The following MAF variants were observed in gnomAD, a reference collection of about 807,000 sequenced individuals.
MAF encodes the protein transcription factor Maf.
Under a neutral mutation model 22.0 loss-of-function variants are expected in MAF, and 10 were observed. The ratio of observed to expected loss-of-function variants is 0.45; its 90% CI spans 0.28 to 0.77. The LOEUF (loss-of-function observed/expected upper bound fraction) is 0.77. Among genes scored for constraint, MAF ranks in the 30% least tolerant of loss-of-function variants. The pLI is 0.12. For missense variants in MAF, 544 were observed against 548.4 expected, an observed-to-expected ratio of 0.99 and a Z score of 0.08; for synonymous variants, 337 against 255.8, an observed-to-expected ratio of 1.32 and a Z score of -3.03.
At chr16:79,587,168 G>A (rs150439520) in intron 1 of MAF, among the ~76,000 whole-genome samples, 1 of 152,242 alleles carries the variant, frequency 6.6e-6, no homozygotes, top group Non-Finnish European at 1.5e-5. Flanking sequence ...ATCTGTCAAA[G>A]TTGCCCTAAA....
the MAF span, among the ~76,000 whole-genome samples, chr16:79,358,909 C>G: frequency 6.6e-6 from 1 of 152,188 alleles, no homozygotes; most frequent in East Asian, 1.9e-4. Context: ...CAGAAGTGGT[C>G]AGTGCTGTGA....
At chr16:79,227,885 T>G in the MAF span, among the ~76,000 whole-genome samples, 2 of 152,122 alleles carry the variant, frequency 1.3e-5, 1 homozygote, top group Non-Finnish European at 2.9e-5. Flanking sequence ...ACTTCTTTCT[T>G]GGAATCTGAG....
At chr16:79,597,393 A>G in intron 1 of MAF, 1 of 1,030,782 alleles carries the variant, frequency 9.7e-7, no homozygotes, top group Non-Finnish European at 1.2e-6. Flanking sequence ...ACCAAAAATA[A>G]TGGGGCAGTT....
chr16:79,486,557 C>T, the MAF span, among the ~76,000 whole-genome samples: 1 of 152,180 alleles, frequency 6.6e-6, no homozygotes, highest in African/African-American at 2.4e-5. Context: ...AAAGATTCTC[C>T]CGCATAAGAA....
At chr16:79,349,090 G>C in the MAF span, among the ~76,000 whole-genome samples, 1 of 152,228 alleles carries the variant, frequency 6.6e-6, no homozygotes, top group African/African-American at 2.4e-5. Context: ...CTATGCAACA[G>C]GTGTTTGCTA....
the MAF span, among the ~76,000 whole-genome samples, chr16:79,293,101 C>T: frequency 1.3e-5 from 2 of 152,156 alleles, no homozygotes; most frequent in Non-Finnish European, 2.9e-5. Context: ...TCTTTTATTC[C>T]TTTACTTGCT....
chr16:79,573,352 A>G, the MAF span, among the ~76,000 whole-genome samples: 1 of 152,236 alleles, frequency 6.6e-6, no homozygotes, highest in Non-Finnish European at 1.5e-5. Context: ...TCCATATCCC[A>G]GATTAAAAAT....
the MAF span, among the ~76,000 whole-genome samples, chr16:79,323,928 A>G: frequency 6.6e-6 from 1 of 152,144 alleles, no homozygotes; most frequent in African/African-American, 2.4e-5. Context: ...AGGTGGGTAG[A>G]TATTTATTGA....
the MAF span, among the ~76,000 whole-genome samples, chr16:79,571,588 A>G: frequency 1.3e-5 from 2 of 150,018 alleles, no homozygotes; most frequent in East Asian, 3.9e-4. Context: ...TTCCCCATAA[A>G]ATGGGAAACT....
chr16:79,571,285 A>G, the MAF span, among the ~76,000 whole-genome samples: 9 of 152,062 alleles, frequency 5.9e-5, no homozygotes, highest in Admixed American at 5.2e-4. Context: ...CTCCACCCTC[A>G]GTGGCTTCCA....
the MAF span, among the ~76,000 whole-genome samples, chr16:79,270,768 T>G: frequency 1.4e-3 from 220 of 152,298 alleles, no homozygotes; most frequent in Non-Finnish European, 2.8e-3. Flanking sequence ...CTGGTGTAAT[T>G]CACTGAGTGC....
the MAF span, among the ~76,000 whole-genome samples, chr16:79,412,903 G>C: frequency 6.6e-6 from 1 of 152,174 alleles, no homozygotes; most frequent in Non-Finnish European, 1.5e-5. Context: ...CAGCACCTTG[G>C]GCTTCGCCTT....
the MAF span, chr16:79,203,358 T>A: frequency 6.6e-6 from 1 of 152,186 alleles, no homozygotes; most frequent in Non-Finnish European, 1.5e-5. Context: ...ATGCCCGATT[T>A]GAAATAGCGG....
the MAF span, among the ~76,000 whole-genome samples, chr16:79,210,424 A>C: frequency 6.6e-6 from 1 of 152,180 alleles, no homozygotes; most frequent in Non-Finnish European, 1.5e-5. Flanking sequence ...CATGGTCACA[A>C]TGTAAACCCT....
the MAF span, among the ~76,000 whole-genome samples, chr16:79,425,988 C>A: frequency 3.3e-5 from 5 of 152,212 alleles, no homozygotes; most frequent in Non-Finnish European, 7.3e-5. Flanking sequence ...AGGCGGATCA[C>A]CAGATCAGGA....
chr16:79,551,666 A>G, the MAF span, among the ~76,000 whole-genome samples: 1 of 152,176 alleles, frequency 6.6e-6, no homozygotes, highest in Non-Finnish European at 1.5e-5. Flanking sequence ...GGAGCTCAAA[A>G]TTATTTTACA....
the MAF span, among the ~76,000 whole-genome samples, chr16:79,412,057 G>A: frequency 5.9e-5 from 9 of 152,302 alleles, no homozygotes; most frequent in South Asian, 6.2e-4. Context: ...CTTAGTACAC[G>A]TCAGGCAGAG....
chr16:79,599,584 C>T lies in MAF; in HGVS notation c.319G>A (p.Gly107Ser). 4 of 1,606,240 alleles carry T rather than the reference C, an allele frequency of 2.5e-6. No homozygotes were observed. Among genetic ancestry groups the T allele is most frequent in the Non-Finnish European group, 3.4e-6 (4 of 1,177,250 alleles). Residue 107 changes from glycine to serine, a missense_variant, in exon 1 of 2, where the codon GGC becomes AGC. Gly to Ser is a moderately conservative substitution (Grantham distance 56). This residue lies in a region of MAF where 342 missense variants were observed against 315.5 expected (regional missense o/e 1.08). Transcript: ENST00000326043. ...YPQQLNPEAL[G>S]FSPEDAVEAL... The stretch of plus-strand genomic sequence containing the variant: ...TCGACCGCGTCCTCGGGGCTGAAGC[C>T]CAGCGCCTCGGGGTTCAGCTGCTGC...
the MAF span, among the ~76,000 whole-genome samples, chr16:79,462,670 C>T: frequency 3.3e-5 from 5 of 152,182 alleles, no homozygotes; most frequent in East Asian, 3.9e-4. Flanking sequence ...TGCACCTACA[C>T]ACAAAGGGAA....
Sources: allele counts gnomAD v4.1 joint callset (sites outside exome capture counted in the v4.1 genomes callset), GRCh38; gene constraint gnomAD v4.1.1; regional missense constraint gnomAD v4.1.1; transcripts MANE v1.5; gene names NCBI Gene and HGNC (gene_info 2026-07-23, HGNC 2026-07-21).